Variants in RHBDD1 observed in about 807,000 individuals in gnomAD.
RHBDD1 encodes the protein rhomboid domain containing 1.
RHBDD1 carries 38 observed loss-of-function variants against 36.3 expected under a neutral mutation model. That is an observed-to-expected ratio of 1.05 (90% CI 0.81 to 1.37). The LOEUF (loss-of-function observed/expected upper bound fraction) is 1.37, where lower values mean the gene tolerates loss of function less well. RHBDD1 is among the 40% of genes most tolerant of loss of function. The probability of loss-of-function intolerance (pLI) is 0.00; values close to 1 mark genes in which losing one functional copy is unlikely to be tolerated. For missense variants in RHBDD1, 393 were observed against 377.6 expected (o/e 1.04, Z -0.34); for synonymous variants, 151 against 136.5 (o/e 1.11, Z -0.74).
intron 8 of RHBDD1, among the ~76,000 whole-genome samples, chr2:226,944,808 G>A (rs1193568152): frequency 6.6e-6 from 1 of 152,146 alleles, no homozygotes; most frequent in Non-Finnish European, 1.5e-5. Flanking sequence ...TGGACAATCT[G>A]GGTATTGATG....
chr2:226,992,382 T>C (rs1958435698), intron 8 of RHBDD1, among the ~76,000 whole-genome samples: 1 of 152,238 alleles, frequency 6.6e-6, no homozygotes, highest in Admixed American at 6.5e-5. Context: ...TTTTCAGAGT[T>C]GGAAACAAAG....
the RHBDD1 span, among the ~76,000 whole-genome samples, chr2:226,810,030 T>C: frequency 1.3e-5 from 2 of 152,216 alleles, no homozygotes; most frequent in Non-Finnish European, 2.9e-5. Context: ...TTGGAATCTC[T>C]ATAGAACTAC....
chr2:226,928,473 G>C, intron 8 of RHBDD1, among the ~76,000 whole-genome samples: 1 of 151,948 alleles, frequency 6.6e-6, no homozygotes, highest in Non-Finnish European at 1.5e-5. Context: ...AGTGACACAA[G>C]ATATCAAAAC....
chr2:226,914,427 A>T (rs1032318472), intron 8 of RHBDD1, 76 bp downstream of exon 8: 2 of 1,488,858 alleles, frequency 1.3e-6, no homozygotes. Flanking sequence ...AGCTATTTGT[A>T]GCAAATTAAA....
At chr2:226,924,905 T>C (rs1000236111) in intron 8 of RHBDD1, among the ~76,000 whole-genome samples, 2 of 152,216 alleles carry the variant, frequency 1.3e-5, no homozygotes, top group Admixed American at 1.3e-4. Context: ...CAAGACTATC[T>C]TTCCTTCTCC....
intron 5 of RHBDD1, among the ~76,000 whole-genome samples, chr2:226,888,176 G>A (rs1946386759): frequency 6.6e-6 from 1 of 152,166 alleles, no homozygotes; most frequent in Non-Finnish European, 1.5e-5. Context: ...AGCAGCATTG[G>A]TGGAATATTT....
intron 5 of RHBDD1, among the ~76,000 whole-genome samples, chr2:226,898,703 G>GT (rs1362979335): frequency 6.6e-6 from 1 of 152,162 alleles, no homozygotes. Context: ...TGGCCTTAGT[G>GT]TTCAAAAACC....
chr2:226,903,705 C>G (rs753193093), intron 5 of RHBDD1, among the ~76,000 whole-genome samples: 2 of 152,158 alleles, frequency 1.3e-5, no homozygotes, highest in Non-Finnish European at 2.9e-5. Flanking sequence ...GCCCCACCCT[C>G]AAGCCTGGAA....
intron 5 of RHBDD1, among the ~76,000 whole-genome samples, chr2:226,883,609 G>A (rs889420414): frequency 1.3e-5 from 2 of 152,216 alleles, no homozygotes; most frequent in African/African-American, 4.8e-5. Context: ...AATTGTGGGT[G>A]TGTGGATGAT....
intron 8 of RHBDD1, among the ~76,000 whole-genome samples, chr2:226,947,423 C>A (rs1425186102): frequency 1.3e-5 from 2 of 151,806 alleles, no homozygotes; most frequent in African/African-American, 4.8e-5. Context: ...AGATATGCGG[C>A]GTTATTTCTG....
chr2:226,871,131 T>A (rs1385422260), intron 5 of RHBDD1, among the ~76,000 whole-genome samples: 2 of 152,242 alleles, frequency 1.3e-5, no homozygotes, highest in African/African-American at 2.4e-5. Context: ...AGAAAAAATA[T>A]ATTTTTTACT....
intron 8 of RHBDD1, among the ~76,000 whole-genome samples, chr2:226,987,252 T>C (rs1298458531): frequency 6.6e-6 from 1 of 152,052 alleles, no homozygotes; most frequent in Non-Finnish European, 1.5e-5. Flanking sequence ...AGATGACAGG[T>C]TGATGGGTGC....
chr2:226,932,147 CTTTTTT>C (rs947085780), intron 8 of RHBDD1, among the ~76,000 whole-genome samples: 6 of 151,906 alleles, frequency 3.9e-5, no homozygotes, highest in African/African-American at 1.5e-4. Context: ...TATAGTTTTT[CTTTTTT>C]ATTAGCATAC....
intron 8 of RHBDD1, among the ~76,000 whole-genome samples, chr2:226,956,005 A>G (rs1017528977): frequency 6.6e-5 from 10 of 152,186 alleles, no homozygotes; most frequent in African/African-American, 9.7e-5. Flanking sequence ...TTGGATTCAT[A>G]TATTGCAGTC....
chr2:226,842,969 C>G (rs1467316541), intron 3 of RHBDD1, among the ~76,000 whole-genome samples: 1 of 152,134 alleles, frequency 6.6e-6, no homozygotes, highest in East Asian at 1.9e-4. Flanking sequence ...TTGTAGTTCT[C>G]CTTGAAGAGG....
chr2:226,930,980 C>G (rs1350146873), intron 8 of RHBDD1, among the ~76,000 whole-genome samples: 1 of 151,830 alleles, frequency 6.6e-6, no homozygotes, highest in Non-Finnish European at 1.5e-5. Flanking sequence ...ACTAAAAAGT[C>G]AAAAAGCAAT....
At chr2:226,821,861 A>AT in the RHBDD1 span, among the ~76,000 whole-genome samples, 134 of 151,898 alleles carry the variant, frequency 8.8e-4, no homozygotes, top group Non-Finnish European at 1.5e-3. Context: ...GTCATCTTTG[A>AT]TTTTTTTCTA....
At chr2:226,952,584 C>T (rs772538315) in intron 8 of RHBDD1, among the ~76,000 whole-genome samples, 24 of 152,292 alleles carry the variant, frequency 1.6e-4, no homozygotes, top group South Asian at 4.1e-4. Context: ...CCACCATTCC[C>T]GGCCTGACTT....
chr2:226,892,857 A>G (rs1184310709), intron 5 of RHBDD1, among the ~76,000 whole-genome samples: 1 of 152,150 alleles, frequency 6.6e-6, no homozygotes, highest in African/African-American at 2.4e-5. Context: ...AAAAAAAACC[A>G]ATGTCAGGAC....
Sources: gnomAD v4.1 joint callset for allele counts (sites outside exome capture counted in the v4.1 genomes callset) on GRCh38, gnomAD v4.1.1 for gene constraint, MANE v1.5 for transcripts, NCBI Gene and HGNC (gene_info 2026-07-23, HGNC 2026-07-21) for gene names.